The following SMYD3 variants were observed in gnomAD, a reference collection of about 807,000 sequenced individuals.
SMYD3 encodes SET and MYND domain containing 3.
A neutral mutation model predicts 57.7 loss-of-function variants in SMYD3; 36 were observed. The ratio of observed to expected loss-of-function variants is 0.62; its 90% CI spans 0.48 to 0.82. SMYD3 has a LOEUF of 0.82. SMYD3 is among the 40% of genes least tolerant of loss of function. The pLI, the probability that SMYD3 is intolerant of heterozygous loss-of-function variation, is 0.00. For synonymous variants in SMYD3, 211 were observed against 195.0 expected, an observed-to-expected ratio of 1.08 and a Z score of -0.68; for missense variants, 515 against 538.8, an observed-to-expected ratio of 0.96 and a Z score of 0.44.
chr1:246,381,763 TAGA>T (rs767270302), intron 1 of SMYD3, among the ~76,000 whole-genome samples: 2 of 152,220 alleles, frequency 1.3e-5, no homozygotes, highest in Non-Finnish European at 2.9e-5. Flanking sequence ...TTGACACTTT[TAGA>T]AGAAAATCAA....
Position 246,158,915 on chromosome 1 carries a change from T to C in SMYD3, c.531+168286A>G, listed in dbSNP as rs369591111. ...AAGATACACCAGGTCCTTATTCCAA[T>C]GGAGCTTAATTCTACCCAGCGTGAG... is the stretch of plus-strand genomic sequence containing the variant. On this transcript the variant is annotated intron_variant, in intron 5 of 11. Coordinates refer to ENST00000490107, the MANE Select transcript of SMYD3 (RefSeq NM_001167740.2). Among the ~76,000 whole-genome samples, 48 of 152,268 alleles carry C rather than the reference T, an allele frequency of 3.2e-4. 1 individual carries two copies. The South Asian group carries it at 6.0e-3, about 19-fold the overall frequency.
intron 10 of SMYD3, among the ~76,000 whole-genome samples, chr1:245,841,143 G>GA (rs2050381262): frequency 1.3e-5 from 2 of 152,184 alleles, no homozygotes; most frequent in Non-Finnish European, 2.9e-5. Flanking sequence ...TCAATTTGCT[G>GA]AAAGACCAAT....
At chr1:245,803,348 A>G (rs966763424) in intron 10 of SMYD3, among the ~76,000 whole-genome samples, 1 of 152,256 alleles carries the variant, frequency 6.6e-6, no homozygotes, top group Non-Finnish European at 1.5e-5. Context: ...TCTAGACACA[A>G]CTGCTGTTGC....
intron 5 of SMYD3, among the ~76,000 whole-genome samples, chr1:246,171,691 T>A (rs1163176669): frequency 6.6e-6 from 1 of 152,192 alleles, no homozygotes; most frequent in Non-Finnish European, 1.5e-5. Flanking sequence ...TCTACACTTA[T>A]CTAAACATAG....
At chr1:245,935,156 C>T (rs1024657954) in intron 5 of SMYD3, among the ~76,000 whole-genome samples, 18 of 152,060 alleles carry the variant, frequency 1.2e-4, no homozygotes, top group Middle Eastern at 3.2e-3. Context: ...AACCATACAA[C>T]GGATAAGAGG....
intron 5 of SMYD3, among the ~76,000 whole-genome samples, chr1:246,194,272 G>GT (rs372181316): frequency 0.019 from 2,708 of 144,278 alleles, 67 homozygotes; most frequent in African/African-American, 0.054. Flanking sequence ...GGGTTTTTTT[G>GT]TTTTTTTTTT....
rs75303616 is a variant in SMYD3 at position 246,402,777 on chromosome 1, C to T, written c.165-47683G>A. Among the ~76,000 whole-genome samples, 2,539 of 152,278 alleles carry T rather than the reference C, an allele frequency of 0.017. 218 individuals are homozygous for T. The East Asian group carries it at 0.23, about 14-fold the overall frequency. On this transcript the variant is annotated intron_variant, in intron 1 of 11. Coordinates refer to ENST00000490107, the MANE Select transcript of SMYD3 (RefSeq NM_001167740.2). ...AAACATGAGCAAGTACAATAGCCAC[C>T]TGCAACGAGCAATGCCATTTTCCAG...
At chr1:246,176,431 C>G (rs571985329) in intron 5 of SMYD3, among the ~76,000 whole-genome samples, 3 of 152,308 alleles carry the variant, frequency 2.0e-5, no homozygotes, top group Admixed American at 6.5e-5. Context: ...AAAAAAGTAA[C>G]ATTTGACTCT....
chr1:245,962,361 T>A lies in SMYD3; in HGVS notation c.532-32424A>T, dbSNP rs544913697. Among the ~76,000 whole-genome samples, 6 of 152,272 alleles carry A rather than the reference T, an allele frequency of 3.9e-5. No homozygotes were observed. The South Asian group carries it at 1.2e-3, about 32-fold the overall frequency. On this transcript the variant is annotated intron_variant, in intron 5 of 11. Transcript: ENST00000490107. ...TGAGTATACATGAAATATTAGAGGA[T>A]CCTGATGTTGTCAGAAGTGTAGTTT...
chr1:245,820,315 T>G (rs2049090500), intron 10 of SMYD3, among the ~76,000 whole-genome samples: 1 of 151,524 alleles, frequency 6.6e-6, no homozygotes. Flanking sequence ...TCTCAATAGA[T>G]GCAGAAAAGG....
At position 246,189,662 on chromosome 1, in the gene SMYD3, G is replaced by A. The variant is rs545447410; in HGVS notation, c.531+137539C>T. On this transcript the variant is annotated intron_variant, in intron 5 of 11. Transcript: ENST00000490107. ...AAATGGGTGACATTAGTCACTTAGG[G>A]TGGCTGCCTTTTTTCTGAAAGCTAT... 3.9e-5 allele frequency among the ~76,000 whole-genome samples: 6 copies of A among 152,302 alleles called. No individual in the cohort carries two copies. The South Asian group carries it at 1.2e-3, about 32-fold the overall frequency.
intron 5 of SMYD3, among the ~76,000 whole-genome samples, chr1:246,208,902 T>C (rs1238305777): frequency 6.6e-6 from 1 of 152,178 alleles, no homozygotes; most frequent in African/African-American, 2.4e-5. Context: ...GCATAATTCA[T>C]TTTGATCTTT....
chr1:246,463,366 A>C (rs1270303845), intron 1 of SMYD3, among the ~76,000 whole-genome samples: 3 of 152,182 alleles, frequency 2.0e-5, no homozygotes, highest in Non-Finnish European at 4.4e-5. Context: ...GGGAGAGAGG[A>C]TGTCACAAGG....
chr1:245,872,864 C>T (rs948845813), intron 8 of SMYD3, among the ~76,000 whole-genome samples: 3 of 152,226 alleles, frequency 2.0e-5, no homozygotes, highest in Non-Finnish European at 4.4e-5. Flanking sequence ...AAACGGAGCA[C>T]AGCCTTGAAG....
At chr1:246,477,938 C>T (rs766320784) in intron 1 of SMYD3, among the ~76,000 whole-genome samples, 1 of 152,228 alleles carries the variant, frequency 6.6e-6, no homozygotes, top group Non-Finnish European at 1.5e-5. Flanking sequence ...TATTAAATAT[C>T]AACTAGCTAG....
intron 5 of SMYD3, among the ~76,000 whole-genome samples, chr1:246,040,845 A>G (rs1485069508): frequency 1.3e-4 from 20 of 152,234 alleles, no homozygotes; most frequent in Admixed American, 1.3e-3. Flanking sequence ...AAAATCATGT[A>G]AAATATCGCA....
At chr1:245,766,398 CT>C (rs1292253497) in intron 10 of SMYD3, among the ~76,000 whole-genome samples, 2 of 74,328 alleles carry the variant, frequency 2.7e-5, no homozygotes, top group African/African-American at 1.8e-4. Context: ...GAGACTCTGT[CT>C]TAAAAAAAAA....
chr1:245,941,057 A>G lies in SMYD3; in HGVS notation c.532-11120T>C, dbSNP rs1391518225. ...AACAGCTGAACAGACCAAGTGGAAG[A>G]AAGAATTCTGAGCTTGAAGACTGTC... On this transcript the variant is annotated intron_variant, in intron 5 of 11. Coordinates refer to ENST00000490107, the MANE Select transcript of SMYD3 (RefSeq NM_001167740.2). Among the ~76,000 whole-genome samples, 4 of 152,336 alleles carry G rather than the reference A, an allele frequency of 2.6e-5. No individual in the cohort carries two copies. The South Asian group carries it at 8.3e-4, about 32-fold the overall frequency.
intron 5 of SMYD3, among the ~76,000 whole-genome samples, chr1:246,015,996 C>T (rs997065768): frequency 2.0e-5 from 3 of 152,070 alleles, no homozygotes; most frequent in East Asian, 1.9e-4. Context: ...AATGTGAGAT[C>T]GAGGCCTAAG....
Sources: allele counts gnomAD v4.1 joint callset (sites outside exome capture counted in the v4.1 genomes callset), GRCh38; gene constraint gnomAD v4.1.1; transcripts MANE v1.5; gene names NCBI Gene and HGNC (gene_info 2026-07-23, HGNC 2026-07-21).